The following FCRL4 variants were observed in gnomAD, a reference collection of about 807,000 sequenced individuals.
FCRL4 encodes Fc receptor like 4, also known as Fc receptor-like protein 4.
In FCRL4, 43 loss-of-function variants were observed where a neutral mutation model predicts 64.1. The observed-to-expected ratio is 0.67, with a 90% CI of 0.53 to 0.87. The LOEUF is 0.87. Ranked by LOEUF, FCRL4 falls within the 40% of genes least tolerant of loss-of-function variation. FCRL4 has a pLI of 0.00. For missense variants in FCRL4, 656 were observed against 613.5 expected, an observed-to-expected ratio of 1.07 and a Z score of -0.73; for synonymous variants, 253 against 239.8, an observed-to-expected ratio of 1.05 and a Z score of -0.51.
At chr1:157,585,248 CCTTT>C (rs373378314) in intron 6 of FCRL4, among the ~76,000 whole-genome samples, 1,093 of 98,382 alleles carry the variant, frequency 0.011, 9 homozygotes, top group African/African-American at 0.025. Flanking sequence ...TCTTTCCTTT[CCTTT>C]CTTTCCTTTC....
intron 2 of FCRL4, among the ~76,000 whole-genome samples, chr1:157,592,975 C>T (rs533024889): frequency 2.0e-5 from 3 of 152,264 alleles, no homozygotes; most frequent in Non-Finnish European, 2.9e-5. Flanking sequence ...TCTCGGCAAC[C>T]TATCACAAGG....
chr1:157,591,590 T>G (rs967169764), intron 2 of FCRL4, among the ~76,000 whole-genome samples: 1 of 152,152 alleles, frequency 6.6e-6, no homozygotes, highest in Admixed American at 6.5e-5. Context: ...ATCCAGATAG[T>G]TGCAGACAAT....
Position 157,574,657 on chromosome 1 carries a change from C to T in FCRL4, c.*867G>A, listed in dbSNP as rs916213876. 9.5e-6 allele frequency: 2 copies of T among 210,416 alleles called. No homozygotes were observed. The highest frequency in any genetic ancestry group is 1.2e-4 in the Admixed American group (2 of 17,020). 13.0% of individuals were successfully genotyped at this position (210,416 alleles called of 1,614,324 possible). A position where few individuals can be genotyped will look rare whatever the true frequency, so the allele number is the denominator to read the frequency against. ...GAATGGTATTTAGAGAATAAAACCT[C>T]TCTGCAAGGAGTGCTTATTGCTAAG... is the stretch of plus-strand genomic sequence containing the variant. On this transcript the variant is annotated 3_prime_UTR_variant, in exon 12 of 12. Transcript: ENST00000271532.
At chr1:157,590,948 T>C (rs1342965651) in intron 2 of FCRL4, among the ~76,000 whole-genome samples, 2 of 152,164 alleles carry the variant, frequency 1.3e-5, no homozygotes, top group African/African-American at 4.8e-5. Flanking sequence ...ATAGGAGAAA[T>C]GGCCTACAAA....
intron 2 of FCRL4, among the ~76,000 whole-genome samples, chr1:157,592,915 G>A (rs1652870111): frequency 6.6e-6 from 1 of 152,190 alleles, no homozygotes; most frequent in African/African-American, 2.4e-5. Flanking sequence ...CATAAAAAAT[G>A]ATGAGTTCAT....
chr1:157,589,221 C>G lies in FCRL4; in HGVS notation c.290G>C (p.Arg97Pro), dbSNP rs200366937. ...TTTCTCACCTGAAGAAAAGAGCAAG[C>G]GCACAGGGTTACTTCGTGGGGAGCC... ...ARGSPRSNPVRLLFSSDSLIL... is the reference protein window; with the variant it reads ...ARGSPRSNPVPLLFSSDSLIL... The change falls in exon 3 of 12, where the codon CGC becomes CCC. Residue 97 changes from arginine (R) to proline (P), a missense_variant. Transcript: ENST00000271532. 2.5e-6 allele frequency: 4 copies of G among 1,613,690 alleles called. No individual in the cohort carries two copies. The highest frequency in any genetic ancestry group is 2.5e-6 in the Non-Finnish European group (3 of 1,179,716).
chr1:157,587,069 T>C (rs1652717684), intron 5 of FCRL4, among the ~76,000 whole-genome samples: 1 of 152,254 alleles, frequency 6.6e-6, no homozygotes, highest in Non-Finnish European at 1.5e-5. Flanking sequence ...TCTGAAGTGA[T>C]AGAATTTCAA....
intron 10 of FCRL4, among the ~76,000 whole-genome samples, chr1:157,577,622 G>A (rs370359496): frequency 1.3e-5 from 2 of 152,302 alleles, no homozygotes; most frequent in Non-Finnish European, 2.9e-5. Context: ...AAGTGACAGA[G>A]ACCAACAGTT....
intron 2 of FCRL4, among the ~76,000 whole-genome samples, chr1:157,590,288 C>T (rs888890618): frequency 6.6e-6 from 1 of 152,082 alleles, no homozygotes; most frequent in Non-Finnish European, 1.5e-5. Flanking sequence ...GAGTTTGGAA[C>T]ATACGCATAA....
chr1:157,589,902 ATT>A (rs1319990740), intron 2 of FCRL4, among the ~76,000 whole-genome samples: 1 of 152,198 alleles, frequency 6.6e-6, no homozygotes, highest in African/African-American at 2.4e-5. Context: ...CATATGGATT[ATT>A]TTGAGCTAAA....
intron 3 of FCRL4, 133 bp from the exon 4 acceptor site, chr1:157,588,252 C>T: frequency 9.7e-7 from 1 of 1,026,272 alleles, no homozygotes; most frequent in Non-Finnish European, 1.4e-6. Context: ...GCTCACGAAA[C>T]TCCTCCTAAA....
At position 157,575,146 on chromosome 1, in the gene FCRL4, C is replaced by A; in HGVS notation, c.*378G>T. 3.1e-6 allele frequency: 1 copy of A among 327,108 alleles called. No homozygotes were observed. Among genetic ancestry groups the A allele is most frequent in the Middle Eastern group, 8.6e-4 (1 of 1,164 alleles). 20.3% of individuals were successfully genotyped at this position (327,108 alleles called of 1,614,324 possible). On this transcript the variant is annotated 3_prime_UTR_variant, in exon 12 of 12. Coordinates refer to ENST00000271532, the MANE Select transcript of FCRL4 (RefSeq NM_031282.3). ...TGTATTAAGCAGAGATCCAGGTCAC[C>A]CAGTCTTTTTCATCTCTGCAAATCC...
At chr1:157,589,021 T>G (rs1217479662) in intron 3 of FCRL4, among the ~76,000 whole-genome samples, 183 bp downstream of exon 3, 1 of 152,248 alleles carries the variant, frequency 6.6e-6, no homozygotes, top group East Asian at 1.9e-4. Flanking sequence ...ATTAACCATT[T>G]AAACTCAAGT....
chr1:157,588,343 A>G (rs1286510007), intron 3 of FCRL4, among the ~76,000 whole-genome samples: 3 of 152,222 alleles, frequency 2.0e-5, no homozygotes, highest in African/African-American at 7.2e-5. Flanking sequence ...GATTCCAAAG[A>G]TAAGGAGTCT....
At chr1:157,583,859 A>C (rs79672451) in intron 6 of FCRL4, among the ~76,000 whole-genome samples, 5,656 of 152,252 alleles carry the variant, frequency 0.037, 266 homozygotes, top group African/African-American at 0.11. Context: ...GTCCATGATT[A>C]AAAAATATTT....
intron 7 of FCRL4, among the ~76,000 whole-genome samples, chr1:157,581,325 T>C (rs1028175106): frequency 6.6e-6 from 1 of 152,220 alleles, no homozygotes; most frequent in Admixed American, 6.5e-5. Flanking sequence ...CCAATCAGAC[T>C]AGATATGAGC....
Position 157,589,383 on chromosome 1 carries a change from G to A in FCRL4, c.128C>T (p.Thr43Ile), listed in dbSNP as rs764323357. ...TFFKGERVTL[T>I]CNGFQFYATE... Reference sequence around the variant, plus strand: ...TGCATAGAACTGAAATCCATTGCAAGTCAGAGTCACTCTCTCTCCTTTGAA... The same window carrying A: ...TGCATAGAACTGAAATCCATTGCAAATCAGAGTCACTCTCTCTCCTTTGAA... The change falls in exon 3 of 12, where the codon ACT becomes ATT. Residue 43 changes from threonine (T) to isoleucine (I), a missense_variant. Transcript: ENST00000271532. 6 of 1,614,176 alleles carry A rather than the reference G, an allele frequency of 3.7e-6. No individual in the cohort carries two copies. Among genetic ancestry groups the A allele is most frequent in the African/African-American group, 1.3e-5 (1 of 75,062 alleles).
Position 157,589,372 on chromosome 1 carries a change from A to T in FCRL4, c.139T>A (p.Phe47Ile). ...GERVTLTCNG[F>I]QFYATEKTTW... ...GTTTTCTCTGTTGCATAGAACTGAAATCCATTGCAAGTCAGAGTCACTCTC... is the reference window on the plus strand; with the variant it reads ...GTTTTCTCTGTTGCATAGAACTGAATTCCATTGCAAGTCAGAGTCACTCTC... The change falls in exon 3 of 12, where the codon TTT becomes ATT. Residue 47 changes from phenylalanine to isoleucine, a missense_variant. Transcript: ENST00000271532. 1.2e-6 allele frequency: 2 copies of T among 1,614,140 alleles called. No individual in the cohort carries two copies. The highest frequency in any genetic ancestry group is 1.7e-6 in the Non-Finnish European group (2 of 1,180,012).
At chr1:157,577,823 C>T (rs1652449552) in intron 10 of FCRL4, among the ~76,000 whole-genome samples, 1 of 152,116 alleles carries the variant, frequency 6.6e-6, no homozygotes, top group South Asian at 2.1e-4. Context: ...AGAATAATAC[C>T]AGAAGCTGAT....
Sources: allele counts gnomAD v4.1 joint callset (sites outside exome capture counted in the v4.1 genomes callset), GRCh38; gene constraint gnomAD v4.1.1; transcripts MANE v1.5; gene names NCBI Gene and HGNC (gene_info 2026-07-23, HGNC 2026-07-21).